SIN3A: variants seen among roughly 807,000 people sequenced by gnomAD.
SIN3A encodes paired amphipathic helix protein Sin3a.
SIN3A carries 14 observed loss-of-function variants against 146.1 expected under a neutral mutation model. That is an observed-to-expected ratio of 0.10 (90% CI 0.06 to 0.15). SIN3A has a LOEUF of 0.15. Ranked by LOEUF, SIN3A falls within the 10% of genes least tolerant of loss-of-function variation. The pLI, the probability that SIN3A is intolerant of heterozygous loss-of-function variation, is 1.00. For missense variants in SIN3A, 1,028 were observed against 1,576.0 expected, an observed-to-expected ratio of 0.65 and a Z score of 5.89; for synonymous variants, 572 against 572.0, an observed-to-expected ratio of 1.00 and a Z score of 0.00.
chr15:75,455,814 A>AT (rs1230275192), upstream of SIN3A: 5 of 152,214 alleles, frequency 3.3e-5, no homozygotes, highest in Non-Finnish European at 5.9e-5. Context: ...GGAGTCCTGA[A>AT]TGGGGGGGAA....
At position 75,430,353 on chromosome 15, in the gene SIN3A, T is replaced by C. The variant is rs1303102733; in HGVS notation, c.23A>G (p.Gln8Arg). The C allele has an allele frequency of 7.4e-6, 12 of 1,612,448 alleles. No homozygotes were observed. Among genetic ancestry groups the C allele is most frequent in the Non-Finnish European group, 9.3e-6 (11 of 1,179,336 alleles). The part of the protein sequence containing the change: MKRRLDD[Q>R]ESPVYAAQQR... Reference sequence around the variant, plus strand: ...CTGGGCTGCATACACCGGTGACTCCTGGTCATCCAAACGCCGCTTCATTCT... The same window carrying C: ...CTGGGCTGCATACACCGGTGACTCCCGGTCATCCAAACGCCGCTTCATTCT... The change falls in exon 2 of 21, where the codon CAG becomes CGG. Residue 8 changes from glutamine to arginine, a missense_variant. Around this residue, in one of 9 missense-constraint regions of SIN3A, gnomAD observed 152 missense variants for 231.5 expected, o/e 0.66. Coordinates refer to ENST00000394947, the MANE Select transcript of SIN3A (RefSeq NM_001145358.2).
Position 75,392,280 on chromosome 15 carries a change from C to T in SIN3A, c.2813G>A (p.Ser938Asn). The T allele has an allele frequency of 1.2e-6, 2 of 1,614,184 alleles. No homozygotes were observed. The highest frequency in any genetic ancestry group is 1.7e-6 in the Non-Finnish European group (2 of 1,180,006). Residue 938 changes from serine to asparagine, a missense_variant, in exon 15 of 21, where the codon AGT (serine) becomes AAT (asparagine). By Grantham distance (46) the Ser-to-Asn change is conservative. This residue lies in a region of SIN3A where 488 missense variants were observed against 690.2 expected (regional missense o/e 0.71). Coordinates refer to ENST00000394947, the MANE Select transcript of SIN3A (RefSeq NM_001145358.2). Reference sequence around the variant, plus strand: ...ACGTAGCTGAATGGCAGGGCTGTCACTCTTGTCTCGCTTTATGCCCAGCAC... The same window carrying T: ...ACGTAGCTGAATGGCAGGGCTGTCATTCTTGTCTCGCTTTATGCCCAGCAC... ...REVLGIKRDKSDSPAIQLRLK... is the reference protein window; with the variant it reads ...REVLGIKRDKNDSPAIQLRLK...
At chr15:75,405,978 A>T (rs2141473100) in intron 9 of SIN3A, among the ~76,000 whole-genome samples, 1 of 151,974 alleles carries the variant, frequency 6.6e-6, no homozygotes, top group South Asian at 2.1e-4. Context: ...AGGACTCAAC[A>T]CTCTTGCAGG....
chr15:75,413,144 A>G lies in SIN3A; in HGVS notation c.474-99T>C, dbSNP rs556331805. 221 of 1,226,930 alleles carry G rather than the reference A, an allele frequency of 1.8e-4. 5 individuals carry two copies. The South Asian group carries it at 3.3e-3, about 19-fold the overall frequency. The allele number at this position is 1,226,930 out of a possible 1,614,324, so 76.0% of individuals were successfully genotyped here. A position where few individuals can be genotyped will look rare whatever the true frequency, so the allele number is the denominator to read the frequency against. On this transcript the variant is annotated intron_variant, in intron 4 of 20. Coordinates refer to ENST00000394947, the MANE Select transcript of SIN3A (RefSeq NM_001145358.2). ...TTTTTTTCTTTTGAGACGGAGTCTC[A>G]CTCTGTTGCCCAGGCTGGACTGCAA...
At chr15:75,422,575 A>G (rs1299476471) in intron 3 of SIN3A, 72 bp downstream of exon 3, 1 of 1,531,722 alleles carries the variant, frequency 6.5e-7, no homozygotes, top group Non-Finnish European at 9.0e-7. Context: ...TACCACCACA[A>G]CCAACAAGCT....
chr15:75,410,393 G>T, intron 6 of SIN3A, 107 bp from the exon 7 acceptor site: 1 of 1,115,222 alleles, frequency 9.0e-7, no homozygotes. Flanking sequence ...CATGTAAGAA[G>T]AAAGTCTATG....
At position 75,371,940 on chromosome 15, in the gene SIN3A, C is replaced by T; in HGVS notation, c.*39G>A. The T allele has an allele frequency of 6.4e-7, 1 of 1,567,222 alleles. No homozygotes were observed. Among genetic ancestry groups the T allele is most frequent in the South Asian group, 1.1e-5 (1 of 89,742 alleles). ...TGAGTGCATAGGCCCACACACACAT[C>T]CCCACACACACCCCAAGTTATCTGC... is the stretch of plus-strand genomic sequence containing the variant. On this transcript the variant is annotated 3_prime_UTR_variant, in exon 21 of 21. Coordinates refer to ENST00000394947, the MANE Select transcript of SIN3A (RefSeq NM_001145358.2).
Position 75,430,314 on chromosome 15 carries a change from G to A in SIN3A, c.62C>T (p.Pro21Leu). The A allele has an allele frequency of 1.2e-6, 2 of 1,614,152 alleles. No homozygotes were observed. The highest frequency in any genetic ancestry group is 8.5e-7 in the Non-Finnish European group (1 of 1,180,022). The part of the protein sequence containing the change: ...PVYAAQQRRI[P>L]GSTEAFPHQH... Reference sequence around the variant, plus strand: ...GTGAGGAAAAGCCTCTGTGCTGCCAGGGATCCGACGCTGCTGGGCTGCATA... The same window carrying A: ...GTGAGGAAAAGCCTCTGTGCTGCCAAGGATCCGACGCTGCTGGGCTGCATA... Residue 21 changes from proline to leucine, a missense_variant, in exon 2 of 21, where the codon CCT becomes CTT. Coordinates refer to ENST00000394947, the MANE Select transcript of SIN3A (RefSeq NM_001145358.2).
chr15:75,380,305 T>G (rs2072940007), intron 19 of SIN3A, among the ~76,000 whole-genome samples: 1 of 152,208 alleles, frequency 6.6e-6, no homozygotes, highest in Non-Finnish European at 1.5e-5. Flanking sequence ...CTGCTTTGCA[T>G]CTTCTCGCTG....
At chr15:75,382,949 T>C (rs1164656526) in intron 17 of SIN3A, among the ~76,000 whole-genome samples, 1 of 152,030 alleles carries the variant, frequency 6.6e-6, no homozygotes, top group Non-Finnish European at 1.5e-5. Flanking sequence ...AAGCTGGCCA[T>C]GGTGGCACGT....
chr15:75,395,375 G>A (rs958726777), intron 13 of SIN3A, among the ~76,000 whole-genome samples: 1 of 152,158 alleles, frequency 6.6e-6, no homozygotes, highest in African/African-American at 2.4e-5. Context: ...TCAAAAGCCA[G>A]AAGTTAAATG....
Position 75,437,464 on chromosome 15 carries a change from G to A in SIN3A, c.-33-7056C>T, listed in dbSNP as rs572635977. 2.6e-5 allele frequency among the ~76,000 whole-genome samples: 4 copies of A among 152,246 alleles called. No individual in the cohort carries two copies. In the South Asian group the frequency reaches 8.3e-4, roughly 32 times the overall value. ...TTATAGGCATGAGCCACTGCGCCCA[G>A]CCAGACCCCTCTTTTTTTGAGGGAA... On this transcript the variant is annotated intron_variant, in intron 1 of 20. Transcript: ENST00000394947.
At chr15:75,400,706 G>A in intron 11 of SIN3A, 24 bp downstream of exon 11, 1 of 1,594,192 alleles carries the variant, frequency 6.3e-7, no homozygotes, top group Non-Finnish European at 8.6e-7. Context: ...ACCCAGGGCT[G>A]ATCTTTGCTA....
chr15:75,372,042 G>C lies in SIN3A; in HGVS notation c.3759C>G (p.Thr1253=), dbSNP rs367732932. The C allele has an allele frequency of 1.2e-6, 2 of 1,614,002 alleles. No individual in the cohort carries two copies. The highest frequency in any genetic ancestry group is 3.3e-5 in the Admixed American group (2 of 59,984). Reference sequence around the variant, plus strand: ...ACTTGTTAATGCTCACAAAATGCAGGGTCTCTGTATCACAGGTGGTGGTAC... The same window carrying C: ...ACTTGTTAATGCTCACAAAATGCAGCGTCTCTGTATCACAGGTGGTGGTAC... ...VPCTTTCDTE[T]LHFVSINKYR... The change falls in exon 21 of 21, where the codon ACC becomes ACG. Residue 1253 remains threonine, a synonymous_variant. Transcript: ENST00000394947.
At chr15:75,381,833 A>G in intron 17 of SIN3A, 128 bp from the exon 18 acceptor site, 2 of 744,382 alleles carry the variant, frequency 2.7e-6, no homozygotes, top group Non-Finnish European at 2.2e-6. Flanking sequence ...GATGAGGAAG[A>G]TACTAGATCT....
intron 16 of SIN3A, among the ~76,000 whole-genome samples, chr15:75,386,448 G>C (rs532137494): frequency 6.6e-6 from 1 of 152,262 alleles, no homozygotes; most frequent in South Asian, 2.1e-4. Flanking sequence ...GACAGCTACG[G>C]AACTCCCACC....
chr15:75,396,633 T>C, intron 12 of SIN3A, 137 bp from the exon 13 acceptor site: 1 of 631,444 alleles, frequency 1.6e-6, no homozygotes, highest in South Asian at 2.0e-5. Flanking sequence ...CATAAGACTG[T>C]TTCTTTATCA....
chr15:75,384,032 T>A, intron 17 of SIN3A: 1 of 269,532 alleles, frequency 3.7e-6, no homozygotes, highest in Non-Finnish European at 6.9e-6. Context: ...AATACAAAAT[T>A]GTAAAAATCA....
intron 15 of SIN3A, among the ~76,000 whole-genome samples, chr15:75,392,006 A>G (rs1028798872): frequency 6.6e-6 from 1 of 152,226 alleles, no homozygotes; most frequent in African/African-American, 2.4e-5. Flanking sequence ...AGGTGCGTCC[A>G]CAGTACCAAC....
Sources: allele counts gnomAD v4.1 joint callset (sites outside exome capture counted in the v4.1 genomes callset), GRCh38; gene constraint gnomAD v4.1.1; regional missense constraint gnomAD v4.1.1; transcripts MANE v1.5; gene names NCBI Gene and HGNC (gene_info 2026-07-23, HGNC 2026-07-21).